Variants in TEX36 observed in about 807,000 individuals in gnomAD.
The protein encoded by TEX36 is testis expressed 36, also known as testis-expressed protein 36.
Under a neutral mutation model 13.6 loss-of-function variants are expected in TEX36, and 12 were observed. That is an observed-to-expected ratio of 0.88 (90% CI 0.56 to 1.43). TEX36 has a LOEUF of 1.43. Ranked by LOEUF, TEX36 falls within the 40% of genes most tolerant of loss-of-function variation. The pLI is 0.00. For synonymous variants in TEX36, 93 were observed against 83.0 expected, an observed-to-expected ratio of 1.12 and a Z score of -0.65; for missense variants, 224 against 228.3, an observed-to-expected ratio of 0.98 and a Z score of 0.12.
downstream of TEX36, chr10:125,621,487 C>T (rs1846429089): frequency 2.5e-6 from 1 of 401,062 alleles, no homozygotes; most frequent in Non-Finnish European, 5.0e-6. Context: ...TGTATCTTCC[C>T]AGTGTGTAAT....
intron 3 of TEX36, among the ~76,000 whole-genome samples, chr10:125,589,165 T>C (rs1334593246): frequency 6.6e-6 from 1 of 152,256 alleles, no homozygotes; most frequent in Non-Finnish European, 1.5e-5. Flanking sequence ...CCGTTTATGT[T>C]CTTTGCCTAT....
intron 3 of TEX36, among the ~76,000 whole-genome samples, chr10:125,602,837 C>T (rs566042773): frequency 3.6e-4 from 55 of 152,294 alleles, no homozygotes; most frequent in Admixed American, 9.1e-4. Context: ...CATTTGTATC[C>T]TTTCCATGGA....
chr10:125,608,901 G>A (rs1220135383), intron 3 of TEX36, among the ~76,000 whole-genome samples: 12 of 148,990 alleles, frequency 8.1e-5, no homozygotes, highest in South Asian at 2.1e-4. Context: ...TTGGGAGGCC[G>A]AGGAAGGCGG....
chr10:125,579,245 G>A (rs1038089168), intron 3 of TEX36, among the ~76,000 whole-genome samples: 3 of 152,208 alleles, frequency 2.0e-5, no homozygotes, highest in African/African-American at 7.2e-5. Context: ...GTTCCTTATG[G>A]CTGAGAAGGC....
At chr10:125,636,436 G>T (rs1246995439) in intron 3 of TEX36, among the ~76,000 whole-genome samples, 1 of 149,116 alleles carries the variant, frequency 6.7e-6, no homozygotes, top group East Asian at 2.0e-4. Flanking sequence ...GGATGGTCTC[G>T]ATCTCCTGAC....
intron 3 of TEX36, among the ~76,000 whole-genome samples, chr10:125,646,345 A>G (rs905450866): frequency 2.6e-5 from 4 of 152,186 alleles, no homozygotes; most frequent in African/African-American, 9.7e-5. Flanking sequence ...AAAACAAAAT[A>G]AAACAAAAAA....
At chr10:125,588,769 C>T (rs1845988849) in intron 3 of TEX36, among the ~76,000 whole-genome samples, 1 of 152,198 alleles carries the variant, frequency 6.6e-6, no homozygotes, top group African/African-American at 2.4e-5. Flanking sequence ...CGTGTGCCAC[C>T]ACGCCCAGCT....
chr10:125,628,638 C>T (rs891518480), intron 3 of TEX36, among the ~76,000 whole-genome samples: 1 of 152,208 alleles, frequency 6.6e-6, no homozygotes, highest in Non-Finnish European at 1.5e-5. Flanking sequence ...TTTAGAAGTG[C>T]TTCTTGAGAT....
intron 3 of TEX36, among the ~76,000 whole-genome samples, chr10:125,635,949 C>T (rs572440577): frequency 1.4e-4 from 22 of 152,182 alleles, no homozygotes; most frequent in African/African-American, 5.3e-4. Flanking sequence ...TCATGGCTCA[C>T]TGCAGCCTCA....
At chr10:125,681,232 A>T (rs12413010) in intron 1 of TEX36, among the ~76,000 whole-genome samples, 4,293 of 152,234 alleles carry the variant, frequency 0.028, 135 homozygotes, top group African/African-American at 0.073. Context: ...CTGAAAAGGG[A>T]GCTGCTGATG....
intron 3 of TEX36, among the ~76,000 whole-genome samples, chr10:125,634,330 A>G (rs1846597257): frequency 6.6e-6 from 1 of 152,072 alleles, no homozygotes; most frequent in Non-Finnish European, 1.5e-5. Flanking sequence ...GACCTCATTT[A>G]CCTCCACACA....
intron 3 of TEX36, among the ~76,000 whole-genome samples, chr10:125,634,458 C>T (rs1244665364): frequency 6.6e-6 from 1 of 152,136 alleles, no homozygotes. Flanking sequence ...GGGCACTTTT[C>T]CTTGTGAAAT....
chr10:125,608,806 G>A (rs1846249730), intron 3 of TEX36, among the ~76,000 whole-genome samples: 1 of 151,918 alleles, frequency 6.6e-6, no homozygotes, highest in African/African-American at 2.4e-5. Context: ...GATATTAACG[G>A]TATGTTAGAG....
rs66461124 is a variant in TEX36, at chr10:125,656,249, C to CTTT, written c.265-56_265-54dup. 8.9e-3 allele frequency: 2,335 copies of CTTT among 262,126 alleles called. 13 individuals carry two copies. Among genetic ancestry groups the CTTT allele is most frequent in the Non-Finnish European group, 9.9e-3 (1,699 of 171,032 alleles). The allele number at this position is 262,126 out of a possible 1,614,324, so 16.2% of individuals were successfully genotyped here. On this transcript the variant is annotated intron_variant, in intron 3 of 3. Coordinates refer to ENST00000368821, the MANE Select transcript of TEX36 (RefSeq NM_001128202.3). ...GGAAAATATTCAAGTTCACATAGTT[C>CTTT]TTTTTTTTTTTTTTTTTTTTTTTTT...
At chr10:125,667,378 G>T in intron 1 of TEX36, 2 of 651,590 alleles carry the variant, frequency 3.1e-6, no homozygotes, top group East Asian at 6.8e-5. Flanking sequence ...CATTAGGGGG[G>T]ATCTCAGGCT....
rs151185267 is a variant in TEX36 at position 125,661,925 on chromosome 10, G to A, written c.104C>T (p.Thr35Met). Residue 35 changes from threonine to methionine, a missense_variant, in exon 2 of 4, where the codon ACG (threonine) becomes ATG (methionine). Coordinates refer to ENST00000368821, the MANE Select transcript of TEX36 (RefSeq NM_001128202.3). ...QKTPESITSA[T>M]SKEPQSPHLP... is the part of the protein sequence containing the mutation. ...GTGTGGACTCTGGGGCTCTTTTGAC[G>A]TAGCACTGGTGATGGATTCTGGTGT... 7 of 1,552,206 alleles carry A rather than the reference G, an allele frequency of 4.5e-6. No individual in the cohort carries two copies. Among genetic ancestry groups the A allele is most frequent in the East Asian group, 2.4e-5 (1 of 40,932 alleles).
chr10:125,667,221 C>G (rs76828789), intron 1 of TEX36: 23,412 of 635,160 alleles, frequency 0.037, 635 homozygotes, highest in Non-Finnish European at 0.055. Flanking sequence ...CGTGAGAAAA[C>G]TTCTGGATGC....
At chr10:125,613,641 T>C (rs1223333543) in intron 3 of TEX36, among the ~76,000 whole-genome samples, 26 of 152,002 alleles carry the variant, frequency 1.7e-4, no homozygotes, top group Non-Finnish European at 2.9e-5. Flanking sequence ...TAGTATTCCA[T>C]GGTGTATATG....
intron 3 of TEX36, among the ~76,000 whole-genome samples, chr10:125,594,567 CA>C (rs1846058642): frequency 6.6e-6 from 1 of 152,142 alleles, no homozygotes; most frequent in South Asian, 2.1e-4. Flanking sequence ...ATGTTTCCTT[CA>C]AAAAAGCTCT....
Sources: gnomAD v4.1 joint callset for allele counts (sites outside exome capture counted in the v4.1 genomes callset) on GRCh38, gnomAD v4.1.1 for gene constraint, MANE v1.5 for transcripts, NCBI Gene and HGNC (gene_info 2026-07-23, HGNC 2026-07-21) for gene names.